SPATC1: variants seen among roughly 807,000 people sequenced by gnomAD.
The protein encoded by SPATC1 is spermatogenesis and centriole associated 1.
Under a neutral mutation model 36.5 loss-of-function variants are expected in SPATC1, and 35 were observed. That is an observed-to-expected ratio of 0.96 (90% CI 0.73 to 1.27). The LOEUF (loss-of-function observed/expected upper bound fraction) is 1.27, where lower values mean the gene tolerates loss of function less well. Among genes scored for constraint, SPATC1 ranks in the 50% most tolerant of loss-of-function variants. The pLI is 0.00. For synonymous variants in SPATC1, 361 were observed against 353.6 expected, an observed-to-expected ratio of 1.02 and a Z score of -0.24; for missense variants, 779 against 796.0, an observed-to-expected ratio of 0.98 and a Z score of 0.26.
Position 144,012,545 on chromosome 8 carries a change from T to A in SPATC1, c.30T>A (p.Leu10=). Residue 10 remains leucine, a synonymous_variant, in exon 1 of 5, where the codon CTT becomes CTA. Transcript: ENST00000377470. The part of the protein sequence containing the change: MSLLTNYEG[L]RHQIERLVRE... Reference sequence around the variant, plus strand: ...CTCTACTCACCAATTATGAAGGGCTTCGGCATCAGATAGAGAGGCTGGTGC... The same window carrying A: ...CTCTACTCACCAATTATGAAGGGCTACGGCATCAGATAGAGAGGCTGGTGC... The A allele has an allele frequency of 1.3e-6, 2 of 1,551,770 alleles. No individual in the cohort carries two copies. The highest frequency in any genetic ancestry group is 1.7e-6 in the Non-Finnish European group (2 of 1,147,000).
chr8:144,040,134 C>A lies in SPATC1; in HGVS notation c.437C>A (p.Ala146Glu), dbSNP rs1391006034. Residue 146 changes from alanine to glutamate, a missense_variant, in exon 2 of 5, where the codon GCG (alanine) becomes GAG (glutamate). Physicochemically the swap from Ala to Glu is moderately radical, Grantham distance 107. Transcript: ENST00000377470. ...PLTSFLTSPI[A>E]GPLTGTLASS... ...ACCAGCTTCCTGACCAGTCCCATTG[C>A]GGGACCCCTAACAGGCACACTGGCC... is the stretch of plus-strand genomic sequence containing the variant. 6.2e-7 allele frequency: 1 copy of A among 1,608,978 alleles called. No individual in the cohort carries two copies. The highest frequency in any genetic ancestry group is 1.3e-5 in the African/African-American group (1 of 74,930).
Position 144,046,864 on chromosome 8 carries a change from G to A in SPATC1, c.1684G>A (p.Val562Met), listed in dbSNP as rs782574956. The part of the protein sequence containing the change: ...DFLQRVVVET[V>M]HPGMLADALL... ...CCTGCAGCGTGTGGTGGTGGAGACC[G>A]TGCACCCCGGCATGCTCGCCGACGC... is the stretch of plus-strand genomic sequence containing the variant. Residue 562 changes from valine to methionine, a missense_variant, in exon 5 of 5, where the codon GTG becomes ATG. By Grantham distance (21) the Val-to-Met change is conservative. Transcript: ENST00000377470. The surrounding 1 kb of genome is among the most constrained non-coding windows in gnomAD (Gnocchi z 6.6). The A allele has an allele frequency of 1.9e-5, 31 of 1,601,000 alleles. No individual in the cohort carries two copies. The highest frequency in any genetic ancestry group is 2.5e-5 in the Non-Finnish European group (30 of 1,179,824).
intron 4 of SPATC1, among the ~76,000 whole-genome samples, chr8:144,044,774 C>T (rs1370820694): frequency 6.6e-6 from 1 of 151,876 alleles, no homozygotes; most frequent in African/African-American, 2.4e-5. Context: ...TGATGAAACC[C>T]CGTCTCTACT....
At chr8:144,018,406 C>G (rs1834433525) in intron 1 of SPATC1, among the ~76,000 whole-genome samples, 1 of 151,982 alleles carries the variant, frequency 6.6e-6, no homozygotes, top group South Asian at 2.1e-4. Context: ...GGGGAGTGGA[C>G]AGGGAGAGGG....
chr8:144,040,229 TC>T lies in SPATC1; in HGVS notation c.535del (p.Gln179ArgfsTer5), dbSNP rs1372935040. ...SSLVAGPVAM[S>X]QSSPLIAPVM... The stretch of plus-strand genomic sequence containing the variant: ...CCTCGTGGCAGGCCCTGTGGCCATG[TC>T]CCAGAGCAGCCCCCTGATAGCCCCT... On this transcript the variant is annotated frameshift_variant, in exon 2 of 5. Coordinates refer to ENST00000377470, the MANE Select transcript of SPATC1 (RefSeq NM_198572.3). LOFTEE classifies it high-confidence loss of function. The T allele has an allele frequency of 6.2e-7, 1 of 1,612,934 alleles. No homozygotes were observed. The highest frequency in any genetic ancestry group is 1.3e-5 in the African/African-American group (1 of 75,020).
At chr8:144,042,854 A>G (rs2129669686) in intron 4 of SPATC1, among the ~76,000 whole-genome samples, 1 of 151,066 alleles carries the variant, frequency 6.6e-6, no homozygotes, top group Admixed American at 6.6e-5. Flanking sequence ...TCCCTATTGC[A>G]ATTTTTTTTA....
intron 1 of SPATC1, among the ~76,000 whole-genome samples, chr8:144,019,750 C>A (rs1162876790): frequency 6.6e-6 from 1 of 152,076 alleles, no homozygotes; most frequent in Non-Finnish European, 1.5e-5. Flanking sequence ...GGTGGGACAG[C>A]CGTCAGCACG....
rs782583463 is a variant in SPATC1 at position 144,046,668 on chromosome 8, G to A, written c.1488G>A (p.Leu496=). The A allele has an allele frequency of 3.7e-5, 60 of 1,611,936 alleles. No individual in the cohort carries two copies. The highest frequency in any genetic ancestry group is 3.1e-5 in the Non-Finnish European group (36 of 1,179,906). ...NPSDHKLDEK[L]CQRLTQRYVS... Reference sequence around the variant, plus strand: ...GTGACCACAAGCTGGATGAGAAGCTGTGCCAGAGGCTCACACAGCGCTATG... The same window carrying A: ...GTGACCACAAGCTGGATGAGAAGCTATGCCAGAGGCTCACACAGCGCTATG... The change falls in exon 5 of 5, where the codon CTG becomes CTA. Residue 496 remains leucine, a synonymous_variant. Transcript: ENST00000377470. This position sits in a 1 kb window ranked among gnomAD's most constrained non-coding sequence, Gnocchi z 6.6.
chr8:144,022,898 C>T lies in SPATC1; in HGVS notation c.211+10172C>T, dbSNP rs1027225846. Among the ~76,000 whole-genome samples, 4 of 150,172 alleles carry T rather than the reference C, an allele frequency of 2.7e-5. No homozygotes were observed. In the East Asian group the frequency reaches 6.0e-4, roughly 23 times the overall value. ...GCCTCAGTACCCTCCTCTCTTGTGA[C>T]CATCCCCCGCCATGGCCCTCTTCTC... is the stretch of plus-strand genomic sequence containing the variant. On this transcript the variant is annotated intron_variant, in intron 1 of 4. Coordinates refer to ENST00000377470, the MANE Select transcript of SPATC1 (RefSeq NM_198572.3).
rs782716305 is a variant in SPATC1 at position 144,040,204 on chromosome 8, C to A, written c.507C>A (p.Ser169Arg). Residue 169 changes from serine to arginine, a missense_variant, in exon 2 of 5, where the codon AGC (serine) becomes AGA (arginine). By Grantham distance (110) the Ser-to-Arg change is moderately radical. Coordinates refer to ENST00000377470, the MANE Select transcript of SPATC1 (RefSeq NM_198572.3). Reference protein sequence around the residue: ...LPSTGTLTPSSLVAGPVAMSQ... With the variant: ...LPSTGTLTPSRLVAGPVAMSQ... ...CCACTGGCACCCTGACTCCCAGCAG[C>A]CTCGTGGCAGGCCCTGTGGCCATGT... 14 of 1,612,570 alleles carry A rather than the reference C, an allele frequency of 8.7e-6. No individual in the cohort carries two copies. The highest frequency in any genetic ancestry group is 1.2e-5 in the Non-Finnish European group (14 of 1,179,810).
chr8:144,021,267 AC>A (rs1834525621), intron 1 of SPATC1, among the ~76,000 whole-genome samples: 1 of 39,970 alleles, frequency 2.5e-5, no homozygotes, highest in African/African-American at 1.0e-4. Context: ...TTCCTTCAGG[AC>A]CCCCTTCCCT....
In SPATC1 at chr8:144,039,797, G is replaced by A. The variant is rs749450765; in HGVS notation, c.212-112G>A. On this transcript the variant is annotated intron_variant, in intron 1 of 4. Transcript: ENST00000377470. ...CAGGTCGGACCAGTCAGCTCATCGG[G>A]GACAGATGGGCACTATGGCCAGGCC... 4.3e-6 allele frequency: 5 copies of A among 1,169,938 alleles called. No individual in the cohort carries two copies. The South Asian group carries it at 4.3e-5, about 10-fold the overall frequency. 72.5% of individuals were successfully genotyped at this position (1,169,938 alleles called of 1,614,324 possible).
rs1387324032 is a variant in SPATC1, at chr8:144,028,245, A to G, written c.212-11664A>G. On this transcript the variant is annotated intron_variant, in intron 1 of 4. Transcript: ENST00000377470. ...CTAAAGAGCTTCTGCACAGCAAAAG[A>G]AACTATCATCAGAGCAAACAGACAA... Among the ~76,000 whole-genome samples, 5 of 152,314 alleles carry G rather than the reference A, an allele frequency of 3.3e-5. 1 individual carries two copies. The highest frequency in any genetic ancestry group is 1.3e-4 in the Admixed American group (2 of 15,304).
At chr8:144,036,286 G>A (rs1834896448) in intron 1 of SPATC1, among the ~76,000 whole-genome samples, 1 of 152,190 alleles carries the variant, frequency 6.6e-6, no homozygotes. Flanking sequence ...TGACTGGATT[G>A]TGCAATTTTG....
intron 1 of SPATC1, among the ~76,000 whole-genome samples, chr8:144,024,241 G>T (rs1257237329): frequency 1.5e-5 from 2 of 135,204 alleles, no homozygotes; most frequent in Non-Finnish European, 3.2e-5. Context: ...CTCCCCTCCA[G>T]GCCCTCTCCC....
chr8:144,026,415 T>C (rs919177159), intron 1 of SPATC1, among the ~76,000 whole-genome samples: 2 of 152,190 alleles, frequency 1.3e-5, no homozygotes, highest in Non-Finnish European at 2.9e-5. Flanking sequence ...GCTATGAACA[T>C]TCATGTACAG....
At chr8:144,039,440 C>A (rs1302331325) in intron 1 of SPATC1, among the ~76,000 whole-genome samples, 1 of 152,252 alleles carries the variant, frequency 6.6e-6, no homozygotes, top group Non-Finnish European at 1.5e-5. Flanking sequence ...TGAGGAGCCC[C>A]CACCACAAAG....
chr8:144,041,388 C>T lies in SPATC1; in HGVS notation c.1446+17C>T. 3.7e-6 allele frequency: 6 copies of T among 1,603,486 alleles called. No homozygotes were observed. Among genetic ancestry groups the T allele is most frequent in the Non-Finnish European group, 5.1e-6 (6 of 1,179,126 alleles). On this transcript the variant is annotated intron_variant, in intron 4 of 4. Transcript: ENST00000377470. ...ATCATCCAGGTGTGCGGCCAGGGGT[C>T]CTGCAGGGACAGGGGGCAGGTTGGC...
chr8:144,046,854 G>A lies in SPATC1; in HGVS notation c.1674G>A (p.Val558=). 1 of 1,601,768 alleles carries A rather than the reference G, an allele frequency of 6.2e-7. No individual in the cohort carries two copies. Among genetic ancestry groups the A allele is most frequent in the South Asian group, 1.1e-5 (1 of 91,074 alleles). Residue 558 remains valine (V), a synonymous_variant, in exon 5 of 5, where the codon GTG becomes GTA. Transcript: ENST00000377470. This position sits in a 1 kb window ranked among gnomAD's most constrained non-coding sequence, Gnocchi z 6.6. Reference sequence around the variant, plus strand: ...CCGTGGACTTCCTGCAGCGTGTGGTGGTGGAGACCGTGCACCCCGGCATGC... The same window carrying A: ...CCGTGGACTTCCTGCAGCGTGTGGTAGTGGAGACCGTGCACCCCGGCATGC... ...PYTVDFLQRV[V]VETVHPGMLA...
Sources: allele counts gnomAD v4.1 joint callset (sites outside exome capture counted in the v4.1 genomes callset), GRCh38; gene constraint gnomAD v4.1.1; non-coding constraint Gnocchi (gnomAD v3.1); transcripts MANE v1.5; gene names NCBI Gene and HGNC (gene_info 2026-07-23, HGNC 2026-07-21).